The following NLGN1 variants were observed in gnomAD, a reference collection of about 807,000 sequenced individuals.
NLGN1 encodes neuroligin-1.
A neutral mutation model predicts 65.5 loss-of-function variants in NLGN1; 12 were observed. That is an observed-to-expected ratio of 0.18 (90% CI 0.12 to 0.30). The LOEUF is 0.30. NLGN1 is among the 10% of genes least tolerant of loss of function. The probability of loss-of-function intolerance (pLI) is 1.00; values close to 1 mark genes in which losing one functional copy is unlikely to be tolerated. For missense variants in NLGN1, 750 were observed against 1,007.1 expected, an observed-to-expected ratio of 0.74 and a Z score of 3.46; for synonymous variants, 350 against 359.5, an observed-to-expected ratio of 0.97 and a Z score of 0.30.
chr3:173,745,439 T>C (rs1775216161), intron 3 of NLGN1, among the ~76,000 whole-genome samples: 1 of 151,970 alleles, frequency 6.6e-6, no homozygotes, highest in South Asian at 2.1e-4. Flanking sequence ...TTAATTAGCT[T>C]ATATTTTTTA....
intron 4 of NLGN1, among the ~76,000 whole-genome samples, chr3:174,123,319 G>A (rs1273884450): frequency 4.6e-5 from 7 of 152,230 alleles, no homozygotes; most frequent in Middle Eastern, 3.4e-3. Flanking sequence ...AGAGACAGCC[G>A]AGAGCCCATG....
chr3:173,909,886 C>A (rs960354881), intron 4 of NLGN1, among the ~76,000 whole-genome samples: 9 of 152,268 alleles, frequency 5.9e-5, no homozygotes, highest in East Asian at 3.9e-4. Flanking sequence ...CCACGTTGGT[C>A]AGGCTGGTCT....
At chr3:174,143,921 T>TTTA (rs1306813553) in intron 4 of NLGN1, among the ~76,000 whole-genome samples, 3 of 152,118 alleles carry the variant, frequency 2.0e-5, no homozygotes. Flanking sequence ...TGATAGTTTT[T>TTTA]TTATTATTAT....
intron 4 of NLGN1, among the ~76,000 whole-genome samples, chr3:173,850,670 A>AT (rs1381807067): frequency 2.0e-5 from 3 of 152,000 alleles, no homozygotes; most frequent in Non-Finnish European, 2.9e-5. Flanking sequence ...CATTTAACTA[A>AT]TTTTTTATTT....
chr3:173,741,490 T>G, intron 3 of NLGN1, among the ~76,000 whole-genome samples: 1 of 152,062 alleles, frequency 6.6e-6, no homozygotes, highest in South Asian at 2.1e-4. Context: ...GCTTTCTGGG[T>G]TTGTTTTTGT....
At chr3:173,951,982 A>G (rs1023111366) in intron 4 of NLGN1, among the ~76,000 whole-genome samples, 2 of 152,202 alleles carry the variant, frequency 1.3e-5, no homozygotes, top group African/African-American at 4.8e-5. Context: ...GTACATGTCT[A>G]TGAACAAAGG....
intron 3 of NLGN1, among the ~76,000 whole-genome samples, chr3:173,719,452 A>T (rs186877695): frequency 1.9e-3 from 296 of 152,268 alleles, no homozygotes; most frequent in Middle Eastern, 6.8e-3. Flanking sequence ...AGTTACGCAC[A>T]AACTAATCTG....
At chr3:173,564,294 T>A (rs1328411662) in intron 2 of NLGN1, among the ~76,000 whole-genome samples, 2 of 152,190 alleles carry the variant, frequency 1.3e-5, no homozygotes, top group Non-Finnish European at 2.9e-5. Flanking sequence ...GAAGGGAAAA[T>A]ACAAAAATAA....
intron 2 of NLGN1, among the ~76,000 whole-genome samples, chr3:173,475,346 T>A (rs752429577): frequency 7.2e-4 from 109 of 152,246 alleles, no homozygotes; most frequent in Non-Finnish European, 1.2e-3. Context: ...TTAAAAGAAA[T>A]AATAACTATA....
At chr3:173,506,577 A>G (rs6767159) in intron 2 of NLGN1, among the ~76,000 whole-genome samples, 82,118 of 151,834 alleles carry the variant, frequency 0.54, 22,875 homozygotes, top group East Asian at 0.87. Flanking sequence ...ACTCATCCCT[A>G]CCTTGAAATT....
intron 1 of NLGN1, among the ~76,000 whole-genome samples, chr3:173,411,121 A>G (rs1712451898): frequency 6.6e-6 from 1 of 152,238 alleles, no homozygotes; most frequent in African/African-American, 2.4e-5. Context: ...CTTTAGAGAA[A>G]TATAGCAGGG....
chr3:173,560,778 ATTTAT>A (rs1344986240), intron 2 of NLGN1, among the ~76,000 whole-genome samples: 1 of 152,070 alleles, frequency 6.6e-6, no homozygotes, highest in African/African-American at 2.4e-5. Context: ...CAACATTTAT[ATTTAT>A]TTTTCACATC....
chr3:173,849,752 C>A (rs1726527212), intron 4 of NLGN1, among the ~76,000 whole-genome samples: 2 of 152,076 alleles, frequency 1.3e-5, no homozygotes, highest in Non-Finnish European at 2.9e-5. Context: ...CTATCTGAGG[C>A]TCTTCATAAA....
intron 2 of NLGN1, among the ~76,000 whole-genome samples, chr3:173,550,753 C>T (rs62292671): frequency 0.39 from 59,751 of 151,536 alleles, 12,211 homozygotes; most frequent in East Asian, 0.8. Flanking sequence ...CTAACACAGG[C>T]GTTAATGGTA....
chr3:173,887,188 G>A (rs1453466833), intron 4 of NLGN1, among the ~76,000 whole-genome samples: 1 of 151,984 alleles, frequency 6.6e-6, no homozygotes, highest in Non-Finnish European at 1.5e-5. Context: ...AGACACCACT[G>A]AAGAGTGAAA....
chr3:173,558,561 A>G (rs1742109765), intron 2 of NLGN1, among the ~76,000 whole-genome samples: 1 of 152,032 alleles, frequency 6.6e-6, no homozygotes, highest in Non-Finnish European at 1.5e-5. Flanking sequence ...CTTCAAGTTT[A>G]CTCATTCTTC....
chr3:173,634,263 T>C (rs1227281948), intron 3 of NLGN1, among the ~76,000 whole-genome samples: 3 of 152,020 alleles, frequency 2.0e-5, no homozygotes, highest in Non-Finnish European at 2.9e-5. Flanking sequence ...AAATGTGGTT[T>C]AAAAATAAAA....
intron 2 of NLGN1, among the ~76,000 whole-genome samples, chr3:173,451,820 G>C (rs1248632110): frequency 6.6e-6 from 1 of 152,184 alleles, no homozygotes; most frequent in East Asian, 1.9e-4. Context: ...TGCTATGCTA[G>C]CATGAGCAAG....
At chr3:174,088,800 ATAAAT>A (rs1743954964) in intron 4 of NLGN1, among the ~76,000 whole-genome samples, 6 of 150,754 alleles carry the variant, frequency 4.0e-5, no homozygotes, top group South Asian at 2.1e-4. Flanking sequence ...AAATAAATAA[ATAAAT>A]AAAACTAGAT....
Sources: gnomAD v4.1 joint callset for allele counts (sites outside exome capture counted in the v4.1 genomes callset) on GRCh38, gnomAD v4.1.1 for gene constraint, MANE v1.5 for transcripts, NCBI Gene and HGNC (gene_info 2026-07-23, HGNC 2026-07-21) for gene names.